VWA8: variants seen among roughly 807,000 people sequenced by gnomAD.
VWA8 encodes von Willebrand factor A domain-containing protein 8.
Under a neutral mutation model 241.5 loss-of-function variants are expected in VWA8, and 221 were observed. The ratio of observed to expected loss-of-function variants is 0.91; its 90% CI spans 0.82 to 1.02. VWA8 has a LOEUF of 1.02. Ranked by LOEUF, VWA8 falls within the 50% of genes least tolerant of loss-of-function variation. The pLI, the probability that VWA8 is intolerant of heterozygous loss-of-function variation, is 0.00. For synonymous variants in VWA8, 852 were observed against 827.1 expected (o/e 1.03, Z -0.52); for missense variants, 2,322 against 2,328.7 (o/e 1.00, Z 0.06).
chr13:41,890,268 T>C (rs1217919135), intron 5 of VWA8, among the ~76,000 whole-genome samples: 1 of 152,216 alleles, frequency 6.6e-6, no homozygotes, highest in African/African-American at 2.4e-5. Flanking sequence ...TCAAGAAGTA[T>C]GAGACACAGA....
intron 37 of VWA8, among the ~76,000 whole-genome samples, chr13:41,639,810 T>C (rs1288552914): frequency 6.6e-6 from 1 of 152,028 alleles, no homozygotes; most frequent in Non-Finnish European, 1.5e-5. Context: ...AAACTACCTA[T>C]TGGGTACTAT....
At chr13:41,596,164 T>G (rs2044486892) in intron 40 of VWA8, among the ~76,000 whole-genome samples, 1 of 152,180 alleles carries the variant, frequency 6.6e-6, no homozygotes, top group African/African-American at 2.4e-5. Context: ...ATCAGCCTTT[T>G]GAGTCAAAAC....
At chr13:41,612,213 T>C (rs1053075542) in intron 38 of VWA8, among the ~76,000 whole-genome samples, 25 of 152,330 alleles carry the variant, frequency 1.6e-4, no homozygotes, top group South Asian at 1.2e-3. Flanking sequence ...AGTTAAGCTA[T>C]AAATACTGTT....
intron 12 of VWA8, among the ~76,000 whole-genome samples, chr13:41,856,177 A>G (rs550423198): frequency 4.6e-5 from 7 of 152,168 alleles, no homozygotes; most frequent in African/African-American, 1.7e-4. Flanking sequence ...CGCTACTAAA[A>G]ATACAAAAAT....
At chr13:41,841,411 A>C (rs1461517655) in intron 12 of VWA8, among the ~76,000 whole-genome samples, 1 of 152,192 alleles carries the variant, frequency 6.6e-6, no homozygotes, top group African/African-American at 2.4e-5. Flanking sequence ...CATATAAAAA[A>C]GATTGAAATA....
At chr13:41,759,262 T>C (rs766744915) in intron 21 of VWA8, among the ~76,000 whole-genome samples, 19 of 151,646 alleles carry the variant, frequency 1.3e-4, no homozygotes, top group Non-Finnish European at 2.1e-4. Flanking sequence ...AATTGAATTG[T>C]GGTTCATATT....
chr13:41,864,277 GC>G (rs2138047617), intron 12 of VWA8, among the ~76,000 whole-genome samples: 1 of 152,150 alleles, frequency 6.6e-6, no homozygotes, highest in African/African-American at 2.4e-5. Flanking sequence ...AAAATTAAAC[GC>G]AGAATTACCA....
At chr13:41,931,713 A>C (rs1255327296) in intron 2 of VWA8, among the ~76,000 whole-genome samples, 1 of 151,920 alleles carries the variant, frequency 6.6e-6, no homozygotes, top group Non-Finnish European at 1.5e-5. Flanking sequence ...TAAAAAAAAA[A>C]CTAACACATG....
chr13:41,774,284 C>T (rs1298744330), intron 20 of VWA8, among the ~76,000 whole-genome samples: 4 of 152,144 alleles, frequency 2.6e-5, no homozygotes, highest in Non-Finnish European at 5.9e-5. Flanking sequence ...GGACTGCAAG[C>T]GCATGCCACT....
intron 2 of VWA8, chr13:41,926,693 AG>A: frequency 3.7e-6 from 2 of 539,028 alleles, no homozygotes; most frequent in Non-Finnish European, 7.6e-6. Context: ...TTACAAGGTC[AG>A]CTACCACCCA....
intron 26 of VWA8, among the ~76,000 whole-genome samples, chr13:41,707,549 T>G (rs575965193): frequency 1.7e-4 from 26 of 152,092 alleles, no homozygotes; most frequent in Non-Finnish European, 3.4e-4. Flanking sequence ...AAATAACAAC[T>G]CCAATTTTAG....
chr13:41,895,272 A>G (rs1023937018), intron 4 of VWA8, among the ~76,000 whole-genome samples: 4 of 152,104 alleles, frequency 2.6e-5, no homozygotes, highest in Admixed American at 1.3e-4. Flanking sequence ...ACTGGAAGAG[A>G]GGTTATATAA....
chr13:41,850,026 C>A (rs1390690762), intron 12 of VWA8, among the ~76,000 whole-genome samples: 2 of 152,130 alleles, frequency 1.3e-5, no homozygotes, highest in African/African-American at 4.8e-5. Context: ...TGCAGAGTTC[C>A]CAAATTTGAA....
chr13:41,795,663 A>G (rs916159677), intron 17 of VWA8, among the ~76,000 whole-genome samples: 1 of 152,200 alleles, frequency 6.6e-6, no homozygotes, highest in Non-Finnish European at 1.5e-5. Flanking sequence ...ATGGAACTGG[A>G]AGCCGTTATC....
chr13:41,728,618 C>CTTT (rs570344416), intron 23 of VWA8, among the ~76,000 whole-genome samples: 2 of 143,394 alleles, frequency 1.4e-5, no homozygotes, highest in Non-Finnish European at 1.5e-5. Context: ...TCTGAATGAT[C>CTTT]TTTTTTTTTT....
chr13:41,596,907 A>T (rs1441522721), intron 40 of VWA8, among the ~76,000 whole-genome samples: 1 of 151,844 alleles, frequency 6.6e-6, no homozygotes, highest in Non-Finnish European at 1.5e-5. Flanking sequence ...ACTTTGTCTT[A>T]TGATTTCAGC....
chr13:41,941,208 G>A (rs1008725338), intron 2 of VWA8, among the ~76,000 whole-genome samples: 11 of 152,180 alleles, frequency 7.2e-5, no homozygotes, highest in Middle Eastern at 3.4e-3. Context: ...TTATTGCTAC[G>A]ATCTATTAAA....
intron 2 of VWA8, among the ~76,000 whole-genome samples, chr13:41,941,147 T>C (rs548247967): frequency 9.2e-5 from 14 of 152,346 alleles, no homozygotes; most frequent in African/African-American, 2.6e-4. Flanking sequence ...CTCAGTCATT[T>C]GCAAAATACT....
At chr13:41,852,125 C>A (rs1872552443) in intron 12 of VWA8, among the ~76,000 whole-genome samples, 1 of 152,198 alleles carries the variant, frequency 6.6e-6, no homozygotes, top group Admixed American at 6.5e-5. Flanking sequence ...GCCACTCTAA[C>A]AGGTGTAAAG....
Sources: gnomAD v4.1 joint callset for allele counts (sites outside exome capture counted in the v4.1 genomes callset) on GRCh38, gnomAD v4.1.1 for gene constraint, MANE v1.5 for transcripts, NCBI Gene and HGNC (gene_info 2026-07-23, HGNC 2026-07-21) for gene names.